The following SDF2L1 variants were observed in gnomAD, a reference collection of about 807,000 sequenced individuals.
The protein encoded by SDF2L1 is stromal cell-derived factor 2-like protein 1.
In SDF2L1, 18 loss-of-function variants were observed where a neutral mutation model predicts 19.4. The ratio of observed to expected loss-of-function variants is 0.93; its 90% CI spans 0.64 to 1.38. The LOEUF is 1.38. Among genes scored for constraint, SDF2L1 ranks in the 40% most tolerant of loss-of-function variants. SDF2L1 has a pLI of 0.00. For synonymous variants in SDF2L1, 161 were observed against 148.9 expected (o/e 1.08, Z -0.59); for missense variants, 263 against 319.4 (o/e 0.82, Z 1.35).
At chr22:21,643,833 T>G in intron 2 of SDF2L1, 61 bp from the exon 3 acceptor site, 2 of 1,514,932 alleles carry the variant, frequency 1.3e-6, no homozygotes, top group Non-Finnish European at 1.8e-6. Context: ...AGGCTCGGTG[T>G]ACTAGGTGCG....
chr22:21,642,630 GC>G, intron 1 of SDF2L1, 107 bp downstream of exon 1: 1 of 1,375,740 alleles, frequency 7.3e-7, no homozygotes, highest in South Asian at 1.4e-5. Context: ...AAGCCGGGCG[GC>G]GGGGGCTCTA....
Position 21,642,927 on chromosome 22 carries a change from C to A in SDF2L1, c.253C>A (p.Arg85Ser). The change falls in exon 2 of 3, where the codon CGC becomes AGC. Residue 85 changes from arginine to serine, a missense_variant. Coordinates refer to ENST00000248958, the MANE Select transcript of SDF2L1 (RefSeq NM_022044.3). ...CGACGCCAATAGCTACTGGCGGATC[C>A]GCGGCGGCTCGGAGGGCGGGTGCCC... ...SDDANSYWRI[R>S]GGSEGGCPRG... 6.3e-7 allele frequency: 1 copy of A among 1,583,150 alleles called. No individual in the cohort carries two copies. Among genetic ancestry groups the A allele is most frequent in the Non-Finnish European group, 8.6e-7 (1 of 1,166,708 alleles).
Position 21,644,261 on chromosome 22 carries a change from C to A in SDF2L1, c.*86C>A. On this transcript the variant is annotated 3_prime_UTR_variant, in exon 3 of 3. Transcript: ENST00000248958. ...GCAGAGACTTTGGGTTTGTAGGGGT[C>A]CTCAAGTGCCTTTGTGATTAAAGAA... 1 of 1,389,416 alleles carries A rather than the reference C, an allele frequency of 7.2e-7. No homozygotes were observed. The highest frequency in any genetic ancestry group is 1.3e-5 in the South Asian group (1 of 79,900). The allele number at this position is 1,389,416 out of a possible 1,614,324, so 86.1% of individuals were successfully genotyped here. A position where few individuals can be genotyped will look rare whatever the true frequency, so the allele number is the denominator to read the frequency against.
chr22:21,642,997 A>G lies in SDF2L1; in HGVS notation c.323A>G (p.His108Arg), dbSNP rs747249101. ...VRCGQAVRLT[H>R]VLTGKNLHTH... is the part of the protein sequence containing the mutation. ...TGCGGGCAGGCGGTGAGGCTCACGC[A>G]TGTGCTTACGGGCAAGAACCTGCAC... The change falls in exon 2 of 3, where the codon CAT (histidine) becomes CGT (arginine). Residue 108 changes from histidine (H) to arginine (R), a missense_variant. Transcript: ENST00000248958. The G allele has an allele frequency of 5.1e-6, 8 of 1,565,700 alleles. No homozygotes were observed. Among genetic ancestry groups the G allele is most frequent in the Non-Finnish European group, 6.9e-6 (8 of 1,156,442 alleles).
chr22:21,643,196 T>G (rs2066094911), intron 2 of SDF2L1, 138 bp downstream of exon 2: 1 of 1,083,828 alleles, frequency 9.2e-7, no homozygotes, highest in Admixed American at 2.7e-5. Context: ...GAGCGCCCCC[T>G]CGGGGGACAC....
At chr22:21,643,511 T>A (rs1400375486) in intron 2 of SDF2L1, among the ~76,000 whole-genome samples, 2 of 152,172 alleles carry the variant, frequency 1.3e-5, no homozygotes, top group African/African-American at 4.8e-5. Flanking sequence ...GGGATTGGAA[T>A]GGAACAGTGG....
In SDF2L1 at chr22:21,642,960, T is replaced by C; in HGVS notation, c.286T>C (p.Ser96Pro). The C allele has an allele frequency of 6.4e-7, 1 of 1,569,494 alleles. No individual in the cohort carries two copies. Among genetic ancestry groups the C allele is most frequent in the Non-Finnish European group, 8.6e-7 (1 of 1,159,466 alleles). The change falls in exon 2 of 3, where the codon TCC (serine) becomes CCC (proline). Residue 96 changes from serine to proline, a missense_variant. Ser to Pro is a moderately conservative substitution (Grantham distance 74, BLOSUM62 -1). Around this residue, in one of 3 missense-constraint regions of SDF2L1, gnomAD observed 203 missense variants for 256.9 expected, o/e 0.79. Coordinates refer to ENST00000248958, the MANE Select transcript of SDF2L1 (RefSeq NM_022044.3). ...CTCGGAGGGCGGGTGCCCGCGCGGG[T>C]CCCCGGTGCGCTGCGGGCAGGCGGT... is the stretch of plus-strand genomic sequence containing the variant. ...GGSEGGCPRG[S>P]PVRCGQAVRL... is the part of the protein sequence containing the mutation.
Position 21,643,961 on chromosome 22 carries a change from G to A in SDF2L1, c.452G>A (p.Gly151Glu). Residue 151 changes from glycine to glutamate, a missense_variant, in exon 3 of 3, where the codon GGA becomes GAA. Gly to Glu is a moderately conservative substitution (Grantham distance 98). Transcript: ENST00000248958. ...GACCTATGGACAGTGCGCTGCTCTG[G>A]ACAGCACTGGGAGCGTGAGGCTGCT... is the stretch of plus-strand genomic sequence containing the variant. ...DLDLWTVRCS[G>E]QHWEREAAVR... 6.2e-7 allele frequency: 1 copy of A among 1,614,116 alleles called. No homozygotes were observed. The highest frequency in any genetic ancestry group is 1.3e-5 in the African/African-American group (1 of 75,036).
intron 2 of SDF2L1, 74 bp from the exon 3 acceptor site, chr22:21,643,820 C>T: frequency 6.9e-7 from 1 of 1,458,750 alleles, no homozygotes; most frequent in South Asian, 1.3e-5. Flanking sequence ...AGGGAAGAAC[C>T]CGAGGCTCGG....
rs1216674439 is a variant in SDF2L1 at position 21,643,013 on chromosome 22, G to C, written c.339G>C (p.Lys113Asn). 4 of 1,562,762 alleles carry C rather than the reference G, an allele frequency of 2.6e-6. No homozygotes were observed. Among genetic ancestry groups the C allele is most frequent in the Non-Finnish European group, 3.5e-6 (4 of 1,154,554 alleles). Reference protein sequence around the residue: ...AVRLTHVLTGKNLHTHHFPSP... With the variant: ...AVRLTHVLTGNNLHTHHFPSP... The stretch of plus-strand genomic sequence containing the variant: ...GGCTCACGCATGTGCTTACGGGCAA[G>C]AACCTGCACACGCACCACTTCCCGT... The change falls in exon 2 of 3, where the codon AAG (lysine) becomes AAC (asparagine). Residue 113 changes from lysine to asparagine, a missense_variant. Transcript: ENST00000248958.
In SDF2L1 at chr22:21,642,524, G is replaced by C. The variant is rs1314373376; in HGVS notation, c.187+1G>C. 6.6e-7 allele frequency: 1 copy of C among 1,517,294 alleles called. No individual in the cohort carries two copies. The highest frequency in any genetic ancestry group is 8.8e-7 in the Non-Finnish European group (1 of 1,138,864). The allele number at this position is 1,517,294 out of a possible 1,614,324, so 94.0% of individuals were successfully genotyped here. ...TCGCACGACATCAAATACGGATCCG[G>C]TGCGTGGGGCCAGCGACTGGGAGAG... is the stretch of plus-strand genomic sequence containing the variant. On this transcript the variant is annotated splice_donor_variant, in intron 1 of 2. Transcript: ENST00000248958. LOFTEE classifies it high-confidence loss of function.
chr22:21,642,547 G>A (rs1208111850), intron 1 of SDF2L1, 24 bp downstream of exon 1: 6 of 1,508,254 alleles, frequency 4.0e-6, no homozygotes, highest in South Asian at 1.3e-5. Flanking sequence ...GCGACTGGGA[G>A]AGCGCGGGGA....
Position 21,643,723 on chromosome 22 carries a change from C to A in SDF2L1, c.385-171C>A, listed in dbSNP as rs76690447. 9.9e-3 allele frequency among the ~76,000 whole-genome samples: 1,502 copies of A among 152,176 alleles called. 17 individuals carry two copies. Among genetic ancestry groups the A allele is most frequent in the Non-Finnish European group, 0.015 (1,051 of 67,994 alleles). On this transcript the variant is annotated intron_variant, in intron 2 of 2. Transcript: ENST00000248958. ...GGTGTGTGCATGTGTCTGAAGAGCC[C>A]ATGCTGGGGAGGGAGTGCTAGAGGT...
chr22:21,644,044 G>A lies in SDF2L1; in HGVS notation c.535G>A (p.Gly179Arg), dbSNP rs1569001977. 3 of 1,614,196 alleles carry A rather than the reference G, an allele frequency of 1.9e-6. No individual in the cohort carries two copies. Among genetic ancestry groups the A allele is most frequent in the Non-Finnish European group, 2.5e-6 (3 of 1,180,028 alleles). ...CCTGTCAGTCACGGGTGAGCAGTAT[G>A]GAAGCCCCATCCGTGGGCAGCATGA... Reference protein sequence around the residue: ...VFLSVTGEQYGSPIRGQHEVH... With the variant: ...VFLSVTGEQYRSPIRGQHEVH... The change falls in exon 3 of 3, where the codon GGA becomes AGA. Residue 179 changes from glycine (G) to arginine (R), a missense_variant. Gly to Arg is a moderately radical substitution (Grantham distance 125, BLOSUM62 -2). Coordinates refer to ENST00000248958, the MANE Select transcript of SDF2L1 (RefSeq NM_022044.3).
At chr22:21,642,565 C>T in intron 1 of SDF2L1, 42 bp downstream of exon 1, 1 of 1,502,152 alleles carries the variant, frequency 6.7e-7, no homozygotes, top group Non-Finnish European at 8.8e-7. Flanking sequence ...GGAACCGGGG[C>T]TCGGGGTTGG....
In SDF2L1 at chr22:21,642,326, G is replaced by T. The variant is rs375468896; in HGVS notation, c.-11G>T. The T allele has an allele frequency of 7.4e-7, 1 of 1,348,962 alleles. No homozygotes were observed. Among genetic ancestry groups the T allele is most frequent in the Admixed American group, 4.1e-5 (1 of 24,172 alleles). 83.6% of individuals were successfully genotyped at this position (1,348,962 alleles called of 1,614,324 possible). A position where few individuals can be genotyped will look rare whatever the true frequency, so the allele number is the denominator to read the frequency against. On this transcript the variant is annotated 5_prime_UTR_variant, in exon 1 of 3. Coordinates refer to ENST00000248958, the MANE Select transcript of SDF2L1 (RefSeq NM_022044.3). ...CCCCTGGGCCCGAGGGGCTGGAGCC[G>T]GGCCGGGGCGATGTGGAGCGCGGGC...
At chr22:21,643,197 C>G in intron 2 of SDF2L1, 139 bp downstream of exon 2, 2 of 1,078,374 alleles carry the variant, frequency 1.9e-6, no homozygotes, top group Non-Finnish European at 2.6e-6. Flanking sequence ...AGCGCCCCCT[C>G]GGGGGACACA....
rs1244661619 is a variant in SDF2L1 at position 21,642,975 on chromosome 22, G to T, written c.301G>T (p.Gly101Trp). The change falls in exon 2 of 3, where the codon GGG becomes TGG. Residue 101 changes from glycine to tryptophan, a missense_variant. This residue lies in a region of SDF2L1 where 203 missense variants were observed against 256.9 expected (regional missense o/e 0.79). Coordinates refer to ENST00000248958, the MANE Select transcript of SDF2L1 (RefSeq NM_022044.3). ...GCPRGSPVRC[G>W]QAVRLTHVLT... The stretch of plus-strand genomic sequence containing the variant: ...CCCGCGCGGGTCCCCGGTGCGCTGC[G>T]GGCAGGCGGTGAGGCTCACGCATGT... 1 of 1,568,830 alleles carries T rather than the reference G, an allele frequency of 6.4e-7. No individual in the cohort carries two copies. The highest frequency in any genetic ancestry group is 1.2e-5 in the South Asian group (1 of 86,084).
chr22:21,643,911 G>A lies in SDF2L1; in HGVS notation c.402G>A (p.Gly134=), dbSNP rs1181213771. 1 of 1,613,134 alleles carries A rather than the reference G, an allele frequency of 6.2e-7. No homozygotes were observed. The highest frequency in any genetic ancestry group is 8.5e-7 in the Non-Finnish European group (1 of 1,179,454). ...ACCTATAGGAGGTGAGTGCCTTTGGGGAAGACGGCGAGGGCGACGACCTGG... is the reference window on the plus strand; with the variant it reads ...ACCTATAGGAGGTGAGTGCCTTTGGAGAAGACGGCGAGGGCGACGACCTGG... ...LSNNQEVSAF[G]EDGEGDDLDL... is the part of the protein sequence containing the mutation. Residue 134 remains glycine (G), a synonymous_variant, in exon 3 of 3, where the codon GGG becomes GGA. Transcript: ENST00000248958.
Sources: gnomAD v4.1 joint callset for allele counts (sites outside exome capture counted in the v4.1 genomes callset) on GRCh38, gnomAD v4.1.1 for gene constraint, gnomAD v4.1.1 regional missense constraint, MANE v1.5 for transcripts, NCBI Gene and HGNC (gene_info 2026-07-23, HGNC 2026-07-21) for gene names.